The following DIAPH3 variants were observed in gnomAD, a reference collection of about 807,000 sequenced individuals.
DIAPH3 encodes the protein protein diaphanous homolog 3.
Under a neutral mutation model 144.3 loss-of-function variants are expected in DIAPH3, and 117 were observed. The ratio of observed to expected loss-of-function variants is 0.81; its 90% CI spans 0.70 to 0.95. The LOEUF is 0.95. DIAPH3 is among the 40% of genes least tolerant of loss of function. DIAPH3 has a pLI of 0.00. For synonymous variants in DIAPH3, 519 were observed against 488.9 expected, an observed-to-expected ratio of 1.06 and a Z score of -0.81; for missense variants, 1,421 against 1,412.7, an observed-to-expected ratio of 1.01 and a Z score of -0.09.
chr13:59,833,397 T>C (rs1298218179), intron 23 of DIAPH3, 126 bp from the exon 24 acceptor site: 1 of 672,538 alleles, frequency 1.5e-6, no homozygotes, highest in Non-Finnish European at 2.4e-6. Flanking sequence ...TAAAATTACT[T>C]CTAATAGTTG....
At chr13:59,859,604 C>T (rs763813386) in intron 22 of DIAPH3, among the ~76,000 whole-genome samples, 1 of 152,130 alleles carries the variant, frequency 6.6e-6, no homozygotes, top group Non-Finnish European at 1.5e-5. Flanking sequence ...TTTGTACCTA[C>T]CATGTTTTCA....
chr13:60,126,639 T>C (rs948611532), intron 2 of DIAPH3, among the ~76,000 whole-genome samples: 1 of 152,114 alleles, frequency 6.6e-6, no homozygotes, highest in East Asian at 1.9e-4. Context: ...AGATAGACCA[T>C]GTTCTGGGAC....
intron 27 of DIAPH3, among the ~76,000 whole-genome samples, chr13:59,764,301 G>A (rs1036316232): frequency 2.6e-5 from 4 of 151,550 alleles, no homozygotes; most frequent in African/African-American, 9.7e-5. Context: ...TCTGGACTTC[G>A]GAGTCAGACT....
intron 24 of DIAPH3, among the ~76,000 whole-genome samples, chr13:59,830,300 AAAAG>A (rs1185635817): frequency 1.3e-5 from 2 of 151,784 alleles, no homozygotes. Context: ...TTACCCCCCA[AAAAG>A]AAAGAAAAAT....
chr13:60,068,133 T>C (rs1340345562), intron 4 of DIAPH3, among the ~76,000 whole-genome samples: 2 of 152,320 alleles, frequency 1.3e-5, no homozygotes, highest in South Asian at 4.1e-4. Context: ...TTGTTTCCAA[T>C]TGTTTAACAG....
At chr13:60,073,980 A>C (rs2057297270) in intron 4 of DIAPH3, among the ~76,000 whole-genome samples, 2 of 152,220 alleles carry the variant, frequency 1.3e-5, no homozygotes, top group African/African-American at 4.8e-5. Flanking sequence ...GTTAGGAACA[A>C]TATCAGATTC....
chr13:59,810,787 C>T lies in DIAPH3; in HGVS notation c.3163+1G>A, dbSNP rs955718638. 9 of 1,613,112 alleles carry T rather than the reference C, an allele frequency of 5.6e-6. No homozygotes were observed. The highest frequency in any genetic ancestry group is 7.6e-6 in the Non-Finnish European group (9 of 1,179,782). On this transcript the variant is annotated splice_donor_variant, in intron 25 of 27. Transcript: ENST00000400324. LOFTEE classifies it high-confidence loss of function. ...TAAATAACAAATTTGATAGTACTCACCAGTCTTCATTTCTAATAAACGCTT... is the reference window on the plus strand; with the variant it reads ...TAAATAACAAATTTGATAGTACTCATCAGTCTTCATTTCTAATAAACGCTT...
At chr13:60,025,500 CCCA>C (rs1439330608) in intron 5 of DIAPH3, among the ~76,000 whole-genome samples, 3 of 144,956 alleles carry the variant, frequency 2.1e-5, no homozygotes, top group Non-Finnish European at 4.5e-5. Context: ...GGCAGAAGCT[CCCA>C]CCAAGAAAAT....
rs146086934 is a variant in DIAPH3 at position 59,807,234 on chromosome 13, T to C, written c.3163+3554A>G. On this transcript the variant is annotated intron_variant, in intron 25 of 27. Coordinates refer to ENST00000400324, the MANE Select transcript of DIAPH3 (RefSeq NM_001042517.2). ...AACTAAGGACCATCATCATCATTTA[T>C]TGGGGTTTTAGAAGAGGTCTTTCAC... Among the ~76,000 whole-genome samples, 43 of 152,098 alleles carry C rather than the reference T, an allele frequency of 2.8e-4. No individual in the cohort carries two copies. The East Asian group carries it at 5.4e-3, about 19-fold the overall frequency.
intron 25 of DIAPH3, among the ~76,000 whole-genome samples, chr13:59,789,111 T>C (rs1049114334): frequency 1.3e-5 from 2 of 152,208 alleles, no homozygotes; most frequent in African/African-American, 2.4e-5. Context: ...TGCCTTCAGT[T>C]GCAAAAGCAC....
chr13:59,700,274 G>A (rs2034029758), intron 27 of DIAPH3, among the ~76,000 whole-genome samples: 1 of 152,034 alleles, frequency 6.6e-6, no homozygotes, highest in African/African-American at 2.4e-5. Flanking sequence ...TTACTCAGCT[G>A]GAAACCTTTG....
chr13:60,000,599 C>A (rs1488346357), intron 9 of DIAPH3, among the ~76,000 whole-genome samples: 2 of 151,766 alleles, frequency 1.3e-5, no homozygotes, highest in Non-Finnish European at 1.5e-5. Context: ...TATTTAGAAC[C>A]CTGAATGAAA....
At chr13:60,013,506 C>T (rs2053422047) in intron 7 of DIAPH3, 1 of 152,186 alleles carries the variant, frequency 6.6e-6, no homozygotes, top group African/African-American at 2.4e-5. Flanking sequence ...GTTCTAATTA[C>T]CTTTCAATTT....
At chr13:60,074,366 C>G (rs1022863184) in intron 4 of DIAPH3, among the ~76,000 whole-genome samples, 25 of 152,240 alleles carry the variant, frequency 1.6e-4, no homozygotes, top group African/African-American at 6.0e-4. Flanking sequence ...TTATTTTAGG[C>G]TAAAATCAAG....
chr13:59,689,921 C>G (rs1380815928), intron 27 of DIAPH3, among the ~76,000 whole-genome samples: 1 of 151,916 alleles, frequency 6.6e-6, no homozygotes, highest in Non-Finnish European at 1.5e-5. Flanking sequence ...ATGAAAGTTG[C>G]TACTCTATCC....
intron 4 of DIAPH3, among the ~76,000 whole-genome samples, chr13:60,049,630 A>G (rs2056242484): frequency 6.6e-6 from 1 of 152,190 alleles, no homozygotes; most frequent in Non-Finnish European, 1.5e-5. Flanking sequence ...TTCATTTTTC[A>G]TAACTCTTAC....
At chr13:59,748,352 T>C (rs945889395) in intron 27 of DIAPH3, among the ~76,000 whole-genome samples, 2 of 152,192 alleles carry the variant, frequency 1.3e-5, no homozygotes, top group African/African-American at 4.8e-5. Flanking sequence ...CCAGTTCTCA[T>C]GCAATACATT....
chr13:59,713,055 T>C (rs568820712), intron 27 of DIAPH3, among the ~76,000 whole-genome samples: 7 of 152,312 alleles, frequency 4.6e-5, no homozygotes, highest in Admixed American at 2.0e-4. Flanking sequence ...CAGTGGGTAA[T>C]GCTTGCTTGC....
chr13:60,064,214 A>G (rs1243147885), intron 4 of DIAPH3, among the ~76,000 whole-genome samples: 1 of 152,204 alleles, frequency 6.6e-6, no homozygotes, highest in Non-Finnish European at 1.5e-5. Flanking sequence ...ACTTTAAGTT[A>G]TCAGCTGCAT....
Sources: gnomAD v4.1 joint callset for allele counts (sites outside exome capture counted in the v4.1 genomes callset) on GRCh38, gnomAD v4.1.1 for gene constraint, MANE v1.5 for transcripts, NCBI Gene and HGNC (gene_info 2026-07-23, HGNC 2026-07-21) for gene names.